The following KCNMA1 variants were observed in gnomAD, a reference collection of about 807,000 sequenced individuals.
KCNMA1 encodes the protein potassium calcium-activated channel subfamily M alpha 1, also known as Calcium-activated potassium channel subunit alpha-1.
In KCNMA1, 29 loss-of-function variants were observed where a neutral mutation model predicts 140.0. That is an observed-to-expected ratio of 0.21 (90% CI 0.15 to 0.28). KCNMA1 has a LOEUF of 0.28. Ranked by LOEUF, KCNMA1 falls within the 10% of genes least tolerant of loss-of-function variation. The pLI, the probability that KCNMA1 is intolerant of heterozygous loss-of-function variation, is 1.00. For synonymous variants in KCNMA1, 612 were observed against 611.9 expected, an observed-to-expected ratio of 1.00 and a Z score of 0.00; for missense variants, 880 against 1,602.2, an observed-to-expected ratio of 0.55 and a Z score of 7.70.
chr10:76,896,917 G>A (rs1204008058), intron 25 of KCNMA1, among the ~76,000 whole-genome samples: 2 of 151,586 alleles, frequency 1.3e-5, no homozygotes, highest in East Asian at 3.9e-4. Flanking sequence ...AGTATGTTGT[G>A]TCTCATTTTT....
At chr10:77,390,544 G>A (rs1361396448) in intron 2 of KCNMA1, among the ~76,000 whole-genome samples, 1 of 152,184 alleles carries the variant, frequency 6.6e-6, no homozygotes, top group Non-Finnish European at 1.5e-5. Flanking sequence ...GGATTAAGGA[G>A]CTCCTGAAAA....
In KCNMA1 at chr10:77,324,971, C is replaced by CTCTCTCTCTCTCTGTG. The variant is rs766240356; in HGVS notation, c.541-73716_541-73715insCACAGAGAGAGAGAGA. Among the ~76,000 whole-genome samples, 101 of 90,434 alleles carry CTCTCTCTCTCTCTGTG rather than the reference C, an allele frequency of 1.1e-3. 1 individual carries two copies. The highest frequency in any genetic ancestry group is 5.7e-3 in the South Asian group (12 of 2,088). The allele number at this position is 90,434 out of a possible 152,430, so 59.3% of individuals were successfully genotyped here. A position where few individuals can be genotyped will look rare whatever the true frequency, so the allele number is the denominator to read the frequency against. On this transcript the variant is annotated intron_variant, in intron 2 of 27. Transcript: ENST00000286628. ...TCTCTCTCTCTCTCTCTCTCTCTCT[C>CTCTCTCTCTCTCTGTG]TGTGTGTGTGTGTGTGTGTGTGTGT...
intron 18 of KCNMA1, among the ~76,000 whole-genome samples, chr10:77,001,906 C>G (rs1457713320): frequency 1.3e-5 from 2 of 152,112 alleles, no homozygotes; most frequent in Non-Finnish European, 2.9e-5. Flanking sequence ...AAATTATCGA[C>G]AGCAAAAAAC....
intron 23 of KCNMA1, among the ~76,000 whole-genome samples, chr10:76,928,062 A>G (rs2058213202): frequency 6.6e-6 from 1 of 152,272 alleles, no homozygotes; most frequent in African/African-American, 2.4e-5. Context: ...ATACTGGCAA[A>G]TAGAATCTGC....
intron 1 of KCNMA1, among the ~76,000 whole-genome samples, chr10:77,464,470 T>A (rs935093542): frequency 1.3e-5 from 2 of 151,784 alleles, no homozygotes; most frequent in African/African-American, 4.8e-5. Context: ...AAAAAAAAAA[T>A]TATAAAGCAG....
intron 2 of KCNMA1, among the ~76,000 whole-genome samples, chr10:77,291,556 G>A (rs1368322845): frequency 2.6e-5 from 4 of 152,188 alleles, no homozygotes; most frequent in African/African-American, 4.8e-5. Context: ...TTAGCAGGGC[G>A]AAATGTCCCA....
At chr10:77,396,650 C>T (rs2096065639) in intron 2 of KCNMA1, among the ~76,000 whole-genome samples, 1 of 152,134 alleles carries the variant, frequency 6.6e-6, no homozygotes, top group Non-Finnish European at 1.5e-5. Context: ...ATGAAATGGT[C>T]CAGGCTATGT....
At chr10:76,985,076 A>G (rs2080869166) in intron 19 of KCNMA1, among the ~76,000 whole-genome samples, 1 of 152,190 alleles carries the variant, frequency 6.6e-6, no homozygotes, top group African/African-American at 2.4e-5. Flanking sequence ...GCATAAATAC[A>G]CAGCAGTATT....
At chr10:77,587,603 T>C (rs2719998) in intron 1 of KCNMA1, among the ~76,000 whole-genome samples, 138,140 of 152,126 alleles carry the variant, frequency 0.91, 62,876 homozygotes, top group Middle Eastern at 0.97. Flanking sequence ...CTCAGCAGAG[T>C]GGACTTTCTG....
chr10:77,132,057 A>G (rs1354634713), intron 5 of KCNMA1, among the ~76,000 whole-genome samples: 1 of 152,126 alleles, frequency 6.6e-6, no homozygotes, highest in South Asian at 2.1e-4. Flanking sequence ...CAAGAAATGC[A>G]CATATTACAC....
At chr10:77,502,768 A>T (rs993072962) in intron 1 of KCNMA1, among the ~76,000 whole-genome samples, 3 of 152,184 alleles carry the variant, frequency 2.0e-5, no homozygotes, top group African/African-American at 7.2e-5. Context: ...AAAGGGCAAT[A>T]ATAATAATAC....
At position 77,108,962 on chromosome 10, in the gene KCNMA1, A is replaced by G. The variant is rs944834665; in HGVS notation, c.1132-390T>C. 1.9e-4 allele frequency among the ~76,000 whole-genome samples: 29 copies of G among 152,156 alleles called. No individual in the cohort carries two copies. Among genetic ancestry groups the G allele is most frequent in the Admixed American group, 6.5e-5 (1 of 15,270 alleles). ...GACACACACAGTTTCGCAAGAGAAGATCTTCCTTTGTCATTAAAATTCAGA... is the reference window on the plus strand; with the variant it reads ...GACACACACAGTTTCGCAAGAGAAGGTCTTCCTTTGTCATTAAAATTCAGA... On this transcript the variant is annotated intron_variant, in intron 8 of 27. Transcript: ENST00000286628. The surrounding 1 kb of genome is among the most constrained non-coding windows in gnomAD (Gnocchi z 4.6).
chr10:77,597,885 C>T (rs1272336894), intron 1 of KCNMA1, among the ~76,000 whole-genome samples: 2 of 152,210 alleles, frequency 1.3e-5, no homozygotes, highest in Non-Finnish European at 1.5e-5. Context: ...AATTACAAAA[C>T]AGGGAGGAAC....
chr10:77,363,914 A>C (rs1439789), intron 2 of KCNMA1, among the ~76,000 whole-genome samples: 26,400 of 152,122 alleles, frequency 0.17, 2,463 homozygotes, highest in East Asian at 0.34. Flanking sequence ...TGGACTTGTC[A>C]ATATGCATGA....
rs542868564 is a variant in KCNMA1, at chr10:77,614,445, G to A, written c.378+22820C>T. 1.6e-3 allele frequency among the ~76,000 whole-genome samples: 239 copies of A among 152,298 alleles called. 1 individual carries two copies. The highest frequency in any genetic ancestry group is 5.5e-3 in the African/African-American group (230 of 41,564). On this transcript the variant is annotated intron_variant, in intron 1 of 27. Coordinates refer to ENST00000286628, the MANE Select transcript of KCNMA1 (RefSeq NM_001161352.2). Reference sequence around the variant, plus strand: ...GGAAAGCTAAAGAAGGGAAGCATGCGGAATTCTCCGGGGCTCATCGCCATC... The same window carrying A: ...GGAAAGCTAAAGAAGGGAAGCATGCAGAATTCTCCGGGGCTCATCGCCATC...
chr10:77,025,249 T>TAC (rs1326664991), intron 16 of KCNMA1, among the ~76,000 whole-genome samples: 3 of 73,858 alleles, frequency 4.1e-5, no homozygotes, highest in Non-Finnish European at 7.6e-5. Context: ...TGTGTATATA[T>TAC]ATATATATAT....
At chr10:77,504,900 T>A (rs771118756) in intron 1 of KCNMA1, among the ~76,000 whole-genome samples, 4 of 152,090 alleles carry the variant, frequency 2.6e-5, no homozygotes, top group Non-Finnish European at 2.9e-5. Context: ...TCCAGGAAAA[T>A]GTGCCATGAT....
intron 2 of KCNMA1, among the ~76,000 whole-genome samples, chr10:77,300,469 A>T (rs549720292): frequency 6.6e-6 from 1 of 152,290 alleles, no homozygotes; most frequent in South Asian, 2.1e-4. Flanking sequence ...GCACTCTATC[A>T]TTATGTTGTT....
intron 3 of KCNMA1, 136 bp downstream of exon 3, chr10:77,251,059 C>G: frequency 1.3e-6 from 1 of 742,208 alleles, no homozygotes. Flanking sequence ...CAGTACAGTA[C>G]AGCACTAGCT....
Sources: gnomAD v4.1 joint callset for allele counts (sites outside exome capture counted in the v4.1 genomes callset) on GRCh38, gnomAD v4.1.1 for gene constraint, Gnocchi (gnomAD v3.1) non-coding constraint, MANE v1.5 for transcripts, NCBI Gene and HGNC (gene_info 2026-07-23, HGNC 2026-07-21) for gene names.